Variants in NONO observed in about 807,000 individuals in gnomAD.
NONO encodes the protein non-POU domain containing octamer binding.
NONO carries 6 observed loss-of-function variants against 40.2 expected under a neutral mutation model. The ratio of observed to expected loss-of-function variants is 0.15; its 90% CI spans 0.08 to 0.29. NONO has a LOEUF of 0.29. NONO is among the 10% of genes least tolerant of loss of function. The pLI is 1.00. For synonymous variants in NONO, 89 were observed against 123.3 expected, an observed-to-expected ratio of 0.72 and a Z score of 1.85; for missense variants, 133 against 397.8, an observed-to-expected ratio of 0.33 and a Z score of 5.66.
chrX:71,290,401 A>G (rs1602385643), intron 2 of NONO, among the ~76,000 whole-genome samples: 1 of 110,846 alleles, frequency 9.0e-6, no homozygotes, highest in South Asian at 3.7e-4. Flanking sequence ...TTTTTACTAT[A>G]TTTTGTAACC....
In NONO at chrX:71,291,825, G is replaced by A. The variant is rs149068227; in HGVS notation, c.201G>A (p.Glu67=). ...IDLKNFRKPG[E]KTFTQRSRLF... ...TGAAGAATTTTAGAAAACCAGGAGA[G>A]AAGACCTTCACCCAACGAAGCCGTC... is the stretch of plus-strand genomic sequence containing the variant. The change falls in exon 4 of 12, where the codon GAG becomes GAA. Residue 67 remains glutamate (E), a synonymous_variant. Transcript: ENST00000276079. 15 of 1,201,108 alleles carry A rather than the reference G, an allele frequency of 1.2e-5. No homozygotes were observed. The African/African-American group carries it at 2.6e-4, about 21-fold the overall frequency.
At chrX:71,296,150 T>C (rs1207359133) in intron 5 of NONO, among the ~76,000 whole-genome samples, 12 of 106,035 alleles carry the variant, frequency 1.1e-4, no homozygotes, top group African/African-American at 1.4e-4. Flanking sequence ...CTTTTCTTTT[T>C]TTTTTTTTTT....
chrX:71,298,877 T>G, intron 11 of NONO, 61 bp downstream of exon 11: 1 of 903,032 alleles, frequency 1.1e-6, no homozygotes, highest in Admixed American at 2.5e-5. Context: ...GAACAGGCAT[T>G]GCTTTCACAG....
At chrX:71,293,417 T>C (rs746240007) in intron 4 of NONO, among the ~76,000 whole-genome samples, 15 of 109,501 alleles carry the variant, frequency 1.4e-4, no homozygotes, top group Non-Finnish European at 1.9e-4. Flanking sequence ...ACCCCGTCTC[T>C]ATTAAAACTA....
chrX:71,299,869 G>A (rs2031538844), intron 11 of NONO, 73 bp from the exon 12 acceptor site: 1 of 1,149,786 alleles, frequency 8.7e-7, no homozygotes, highest in African/African-American at 1.8e-5. Flanking sequence ...AGCCTCCAGT[G>A]GAGGGACTAC....
At chrX:71,290,934 T>TA (rs1213576616) in intron 3 of NONO, 143 bp downstream of exon 3, 16 of 687,230 alleles carry the variant, frequency 2.3e-5, no homozygotes, top group South Asian at 1.2e-4. Flanking sequence ...TCTTAATACT[T>TA]ACGATGGAAA....
At position 71,294,514 on chromosome X, in the gene NONO, C is replaced by T. The variant is rs113609006; in HGVS notation, c.636C>T (p.Ser212=). The T allele has an allele frequency of 2.5e-6, 3 of 1,206,734 alleles. No homozygotes were observed. The highest frequency in any genetic ancestry group is 3.5e-5 in the African/African-American group (2 of 57,834). Residue 212 remains serine (S), a synonymous_variant, in exon 5 of 12, where the codon TCC becomes TCT. Coordinates refer to ENST00000276079, the MANE Select transcript of NONO (RefSeq NM_007363.5). ...RKALDRCSEG[S]FLLTTFPRPV... is the part of the protein sequence containing the mutation. Reference sequence around the variant, plus strand: ...CTCTGGACAGATGCAGTGAAGGCTCCTTCCTGCTAACCACGTAAGTGAGGG... The same window carrying T: ...CTCTGGACAGATGCAGTGAAGGCTCTTTCCTGCTAACCACGTAAGTGAGGG...
intron 5 of NONO, among the ~76,000 whole-genome samples, chrX:71,296,358 C>T (rs777084933): frequency 2.7e-4 from 30 of 110,876 alleles, no homozygotes; most frequent in African/African-American, 8.8e-4. Flanking sequence ...ATGATTCACC[C>T]GCCTCGTCCT....
In NONO at chrX:71,300,731, A is replaced by G. The variant is rs891919196; in HGVS notation, c.*655A>G. On this transcript the variant is annotated 3_prime_UTR_variant, in exon 12 of 12. Coordinates refer to ENST00000276079, the MANE Select transcript of NONO (RefSeq NM_007363.5). The stretch of plus-strand genomic sequence containing the variant: ...ATTGCTCCATTCACTCCCAGGTGAG[A>G]ATTCAGGCAAACGTCCACAAAGGTC... 1.4e-4 allele frequency: 24 copies of G among 175,027 alleles called. No homozygotes were observed. The highest frequency in any genetic ancestry group is 1.1e-4 in the Non-Finnish European group (10 of 91,972). The allele number at this position is 175,027 out of a possible 1,213,427, so 14.4% of individuals were successfully genotyped here.
At chrX:71,288,062 C>T (rs1199790370) in intron 2 of NONO, among the ~76,000 whole-genome samples, 1 of 65,008 alleles carries the variant, frequency 1.5e-5, no homozygotes, top group Non-Finnish European at 3.0e-5. Flanking sequence ...CACTTGTTTT[C>T]TTTTTAATCT....
At chrX:71,298,096 G>A in intron 9 of NONO, 158 bp downstream of exon 9, 1 of 450,472 alleles carries the variant, frequency 2.2e-6, no homozygotes, top group Non-Finnish European at 3.9e-6. Flanking sequence ...TTGAAGAGGA[G>A]ATCTTGCCTC....
Position 71,297,209 on chromosome X carries a change from G to A in NONO, c.943+162G>A, listed in dbSNP as rs748708440. On this transcript the variant is annotated intron_variant, in intron 7 of 11. Coordinates refer to ENST00000276079, the MANE Select transcript of NONO (RefSeq NM_007363.5). ...GCTTGGAGATGTGGCAGAGATACTG[G>A]ATTCTGTGGAGAAGGAAATGATAGG... is the stretch of plus-strand genomic sequence containing the variant. Among the ~76,000 whole-genome samples, 4 of 112,400 alleles carry A rather than the reference G, an allele frequency of 3.6e-5. No individual in the cohort carries two copies. The South Asian group carries it at 1.5e-3, about 42-fold the overall frequency.
chrX:71,294,817 G>A (rs767743696), intron 5 of NONO, among the ~76,000 whole-genome samples: 1 of 111,966 alleles, frequency 8.9e-6, no homozygotes, highest in East Asian at 2.8e-4. Flanking sequence ...TACTTGGGAG[G>A]CTGAGGCAGG....
At chrX:71,296,819 C>G (rs758300087) in intron 6 of NONO, 32 bp from the exon 7 acceptor site, 9 of 1,173,007 alleles carry the variant, frequency 7.7e-6, no homozygotes, top group Non-Finnish European at 1.0e-5. Flanking sequence ...TAATTCTGGA[C>G]AAAGTTAGTA....
At chrX:71,284,744 A>G (rs2031152047) in intron 2 of NONO, among the ~76,000 whole-genome samples, 1 of 111,993 alleles carries the variant, frequency 8.9e-6, no homozygotes, top group Non-Finnish European at 1.9e-5. Context: ...CAGGCTGGCC[A>G]TCCAGGCAGC....
chrX:71,299,204 C>CT (rs2031521133), intron 11 of NONO, among the ~76,000 whole-genome samples: 1 of 112,177 alleles, frequency 8.9e-6, no homozygotes. Context: ...TTATTAGAGA[C>CT]TGAGTTTGAC....
chrX:71,300,553 G>T lies in NONO; in HGVS notation c.*477G>T. 5.2e-6 allele frequency: 1 copy of T among 193,718 alleles called. No homozygotes were observed. Among genetic ancestry groups the T allele is most frequent in the Non-Finnish European group, 9.6e-6 (1 of 104,045 alleles). 16.0% of individuals were successfully genotyped at this position (193,718 alleles called of 1,213,427 possible). On this transcript the variant is annotated 3_prime_UTR_variant, in exon 12 of 12. Transcript: ENST00000276079. Reference sequence around the variant, plus strand: ...GTTGATCTTGAACTCCTGACCTCGTGATCTACCCACCTCGGCCTCCCAAAA... The same window carrying T: ...GTTGATCTTGAACTCCTGACCTCGTTATCTACCCACCTCGGCCTCCCAAAA...
chrX:71,300,056 A>G lies in NONO; in HGVS notation c.1396A>G (p.Asn466Asp). The change falls in exon 12 of 12, where the codon AAC becomes GAC. Residue 466 changes from asparagine (N) to aspartate (D), a missense_variant. Asn to Asp is a conservative substitution (Grantham distance 23). Around this residue, in one of 3 missense-constraint regions of NONO, gnomAD observed 73 missense variants for 162.2 expected, o/e 0.45. Coordinates refer to ENST00000276079, the MANE Select transcript of NONO (RefSeq NM_007363.5). The stretch of plus-strand genomic sequence containing the variant: ...AGCTCCTGGAGCTGAATTTGCCCCA[A>G]ACAAACGTCGCCGATACTAATAAGT... Reference protein sequence around the residue: ...RAAPGAEFAPNKRRRY With the variant: ...RAAPGAEFAPDKRRRY 1 of 1,211,262 alleles carries G rather than the reference A, an allele frequency of 8.3e-7. No homozygotes were observed. The highest frequency in any genetic ancestry group is 1.1e-6 in the Non-Finnish European group (1 of 895,362).
chrX:71,300,199 T>C lies in NONO; in HGVS notation c.*123T>C. 1.2e-6 allele frequency: 1 copy of C among 819,547 alleles called. No individual in the cohort carries two copies. Among genetic ancestry groups the C allele is most frequent in the Non-Finnish European group, 1.8e-6 (1 of 557,901 alleles). 67.5% of individuals were successfully genotyped at this position (819,547 alleles called of 1,213,427 possible). On this transcript the variant is annotated 3_prime_UTR_variant, in exon 12 of 12. Coordinates refer to ENST00000276079, the MANE Select transcript of NONO (RefSeq NM_007363.5). ...ATAGTTAGATCTACCCTGCCTGTAC[T>C]ACTCTAGGGAGTATGCTGGAGGCAG...
Sources: allele counts gnomAD v4.1 joint callset (sites outside exome capture counted in the v4.1 genomes callset), GRCh38; gene constraint gnomAD v4.1.1; regional missense constraint gnomAD v4.1.1; transcripts MANE v1.5; gene names NCBI Gene and HGNC (gene_info 2026-07-23, HGNC 2026-07-21).